MYSM1: variants seen among roughly 807,000 people sequenced by gnomAD.
MYSM1 encodes the protein Myb like, SWIRM and MPN domains 1.
MYSM1 carries 51 observed loss-of-function variants against 116.0 expected under a neutral mutation model. That is an observed-to-expected ratio of 0.44 (90% CI 0.35 to 0.56). MYSM1 has a LOEUF of 0.56. Ranked by LOEUF, MYSM1 falls within the 20% of genes least tolerant of loss-of-function variation. The pLI, the probability that MYSM1 is intolerant of heterozygous loss-of-function variation, is 0.00. For missense variants in MYSM1, 900 were observed against 974.9 expected (o/e 0.92, Z 1.02); for synonymous variants, 313 against 315.2 (o/e 0.99, Z 0.07).
At chr1:58,661,708 C>T (rs912977330) in intron 17 of MYSM1, among the ~76,000 whole-genome samples, 197 bp from the exon 18 acceptor site, 5 of 151,966 alleles carry the variant, frequency 3.3e-5, no homozygotes, top group African/African-American at 1.2e-4. Context: ...ATATTAATGC[C>T]AAGCTATTAA....
At chr1:58,675,142 CAATG>C (rs1225979056) in intron 10 of MYSM1, among the ~76,000 whole-genome samples, 1 of 150,184 alleles carries the variant, frequency 6.7e-6, no homozygotes, top group Non-Finnish European at 1.5e-5. Context: ...AAAGAAAAAT[CAATG>C]AGAGAAAAAA....
intron 5 of MYSM1, chr1:58,689,638 G>A (rs1644875537): frequency 6.6e-6 from 1 of 152,544 alleles, no homozygotes; most frequent in Non-Finnish European, 1.5e-5. Context: ...ACTAATTTAA[G>A]CAACCCATTA....
chr1:58,669,109 A>C, intron 12 of MYSM1, 71 bp from the exon 13 acceptor site: 1 of 1,159,932 alleles, frequency 8.6e-7, no homozygotes, highest in Non-Finnish European at 1.2e-6. Context: ...TGTAAATCTG[A>C]AAGTGTATAT....
In MYSM1 at chr1:58,658,715, T is replaced by C. The variant is rs941930582; in HGVS notation, c.*1282A>G. On this transcript the variant is annotated 3_prime_UTR_variant, in exon 20 of 20. Coordinates refer to ENST00000472487, the MANE Select transcript of MYSM1 (RefSeq NM_001085487.3). Reference sequence around the variant, plus strand: ...CTGACTACTAAGAAATAAACTAAAATCTACTGAATTTCAATAAATGAGGCA... The same window carrying C: ...CTGACTACTAAGAAATAAACTAAAACCTACTGAATTTCAATAAATGAGGCA... 2 of 152,122 alleles carry C rather than the reference T, an allele frequency of 1.3e-5. No individual in the cohort carries two copies. The highest frequency in any genetic ancestry group is 2.4e-5 in the African/African-American group (1 of 41,428). The allele number at this position is 152,122 out of a possible 1,614,324, so 9.4% of individuals were successfully genotyped here. A position where few individuals can be genotyped will look rare whatever the true frequency, so the allele number is the denominator to read the frequency against.
At chr1:58,688,508 C>T (rs1220594198) in intron 6 of MYSM1, among the ~76,000 whole-genome samples, 2 of 150,596 alleles carry the variant, frequency 1.3e-5, no homozygotes, top group East Asian at 3.9e-4. Context: ...GTATCTTTTC[C>T]ATTATGCAAC....
chr1:58,693,091 G>A (rs1644925530), intron 2 of MYSM1, among the ~76,000 whole-genome samples, 160 bp from the exon 3 acceptor site: 1 of 152,166 alleles, frequency 6.6e-6, no homozygotes, highest in Non-Finnish European at 1.5e-5. Flanking sequence ...CATTGAGATA[G>A]GCATTAATAC....
intron 1 of MYSM1, among the ~76,000 whole-genome samples, chr1:58,698,143 C>G (rs1213906428): frequency 8.1e-5 from 5 of 61,820 alleles, no homozygotes; most frequent in African/African-American, 2.6e-4. Flanking sequence ...CTCTGTTGCC[C>G]AGGCTGGAGT....
At position 58,685,266 on chromosome 1, in the gene MYSM1, T is replaced by G. The variant is rs764339145; in HGVS notation, c.400-15A>C. 1 of 1,575,388 alleles carries G rather than the reference T, an allele frequency of 6.3e-7. No homozygotes were observed. The highest frequency in any genetic ancestry group is 1.8e-5 in the Admixed American group (1 of 54,082). On this transcript the variant is annotated splice_polypyrimidine_tract_variant and intron_variant, in intron 6 of 19. Transcript: ENST00000472487. Reference sequence around the variant, plus strand: ...CCAAATTTAGCCTGTATTATTAAAATGGGAAAAAAAATTGCTTTTGATGAA... The same window carrying G: ...CCAAATTTAGCCTGTATTATTAAAAGGGGAAAAAAAATTGCTTTTGATGAA...
intron 5 of MYSM1, among the ~76,000 whole-genome samples, chr1:58,689,947 T>C (rs1036656120): frequency 6.6e-6 from 1 of 152,164 alleles, no homozygotes; most frequent in Admixed American, 6.5e-5. Context: ...ATATATCACA[T>C]AACAGCTTCT....
At chr1:58,671,543 T>G (rs1187302584) in intron 12 of MYSM1, among the ~76,000 whole-genome samples, 5 of 152,138 alleles carry the variant, frequency 3.3e-5, no homozygotes, top group African/African-American at 1.2e-4. Flanking sequence ...AACAACTTGC[T>G]AACAATTAGT....
chr1:58,661,134 TGAACAATG>T (rs775707932), intron 19 of MYSM1, 28 bp downstream of exon 19: 2 of 1,516,252 alleles, frequency 1.3e-6, no homozygotes, highest in South Asian at 2.3e-5. Flanking sequence ...TCAGAATCTG[TGAACAATG>T]GAACCAATTA....
At position 58,660,116 on chromosome 1, in the gene MYSM1, T is replaced by G. The variant is rs1027288768; in HGVS notation, c.2368A>C (p.Asn790His). ...CMRKTLSKVT[N>H]CFMAEEFLTE... ...AAGAATTCTTCAGCCATAAAGCAAT[T>G]GGTCACTTTGCTCAGAGTCTTCCTC... Residue 790 changes from asparagine to histidine, a missense_variant, in exon 20 of 20, where the codon AAT (asparagine) becomes CAT (histidine). Asn to His is a moderately conservative substitution (Grantham distance 68). Coordinates refer to ENST00000472487, the MANE Select transcript of MYSM1 (RefSeq NM_001085487.3). 6.2e-7 allele frequency: 1 copy of G among 1,608,662 alleles called. No homozygotes were observed. The highest frequency in any genetic ancestry group is 8.5e-7 in the Non-Finnish European group (1 of 1,177,570).
intron 9 of MYSM1, chr1:58,676,724 C>T: frequency 1.1e-5 from 4 of 354,166 alleles, no homozygotes; most frequent in Non-Finnish European, 2.0e-5. Flanking sequence ...TAAAGTTACA[C>T]TCTCAATTTT....
At chr1:58,661,306 G>T in intron 18 of MYSM1, 79 bp from the exon 19 acceptor site, 1 of 1,334,044 alleles carries the variant, frequency 7.5e-7, no homozygotes. Context: ...TATCACGGAT[G>T]CCATACATCA....
At chr1:58,672,059 G>A (rs536490180) in intron 11 of MYSM1, 101 bp from the exon 12 acceptor site, 2 of 858,900 alleles carry the variant, frequency 2.3e-6, no homozygotes, top group South Asian at 3.2e-5. Context: ...GAGGACAAGA[G>A]AGACTAAATT....
Position 58,656,378 on chromosome 1 carries a change from T to G in MYSM1, c.*3619A>C, listed in dbSNP as rs1644319241. On this transcript the variant is annotated 3_prime_UTR_variant, in exon 20 of 20. Transcript: ENST00000472487. Reference sequence around the variant, plus strand: ...TAGAAAGAAGGGTCTTGTATTTATATGCTGAGAAGTAAGAATGCAGGGAGT... The same window carrying G: ...TAGAAAGAAGGGTCTTGTATTTATAGGCTGAGAAGTAAGAATGCAGGGAGT... 6.6e-6 allele frequency: 1 copy of G among 152,144 alleles called. No homozygotes were observed. Among genetic ancestry groups the G allele is most frequent in the East Asian group, 1.9e-4 (1 of 5,202 alleles). The allele number at this position is 152,144 out of a possible 1,614,324, so 9.4% of individuals were successfully genotyped here.
chr1:58,670,051 G>A (rs1269739639), intron 12 of MYSM1, among the ~76,000 whole-genome samples: 1 of 152,092 alleles, frequency 6.6e-6, no homozygotes, highest in Non-Finnish European at 1.5e-5. Context: ...TAACACAACT[G>A]GAAGAGAGCA....
At chr1:58,663,753 T>C (rs1644428874) in intron 17 of MYSM1, among the ~76,000 whole-genome samples, 1 of 152,200 alleles carries the variant, frequency 6.6e-6, no homozygotes, top group Non-Finnish European at 1.5e-5. Context: ...TCTCCAGAGT[T>C]CACTCTCCAT....
intron 8 of MYSM1, among the ~76,000 whole-genome samples, chr1:58,681,404 T>C (rs1311961591): frequency 2.0e-5 from 3 of 152,228 alleles, no homozygotes; most frequent in Non-Finnish European, 2.9e-5. Flanking sequence ...TGGCCACATT[T>C]AATACTACTG....
Sources: allele counts gnomAD v4.1 joint callset (sites outside exome capture counted in the v4.1 genomes callset), GRCh38; gene constraint gnomAD v4.1.1; transcripts MANE v1.5; gene names NCBI Gene and HGNC (gene_info 2026-07-23, HGNC 2026-07-21).